BICD2: variants seen among roughly 807,000 people sequenced by gnomAD.
The protein encoded by BICD2 is BICD cargo adaptor 2, also known as protein bicaudal D homolog 2.
A neutral mutation model predicts 72.9 loss-of-function variants in BICD2; 25 were observed. The observed-to-expected ratio is 0.34, with a 90% CI of 0.25 to 0.48. The LOEUF is 0.48. Ranked by LOEUF, BICD2 falls within the 20% of genes least tolerant of loss-of-function variation. The pLI, the probability that BICD2 is intolerant of heterozygous loss-of-function variation, is 0.99. For missense variants in BICD2, 894 were observed against 1,175.2 expected, an observed-to-expected ratio of 0.76 and a Z score of 3.50; for synonymous variants, 501 against 516.1, an observed-to-expected ratio of 0.97 and a Z score of 0.40.
rs566952829 is a variant in BICD2 at position 92,715,016 on chromosome 9, G to A, written c.*138C>T. 53 of 1,423,164 alleles carry A rather than the reference G, an allele frequency of 3.7e-5. No individual in the cohort carries two copies. Among genetic ancestry groups the A allele is most frequent in the Admixed American group, 1.5e-4 (5 of 32,994 alleles). 88.2% of individuals were successfully genotyped at this position (1,423,164 alleles called of 1,614,324 possible). On this transcript the variant is annotated 3_prime_UTR_variant, in exon 7 of 7. Coordinates refer to ENST00000356884, the MANE Select transcript of BICD2 (RefSeq NM_001003800.2). ...CTCACAAGTGTCCTGCTGATGCAACGCCCCATGGCGCCTCGGCTAGACTCC... is the reference window on the plus strand; with the variant it reads ...CTCACAAGTGTCCTGCTGATGCAACACCCCATGGCGCCTCGGCTAGACTCC...
Position 92,764,517 on chromosome 9 carries a change from C to T in BICD2, c.228G>A (p.Glu76=). 6.5e-7 allele frequency: 1 copy of T among 1,535,264 alleles called. No individual in the cohort carries two copies. The highest frequency in any genetic ancestry group is 8.8e-7 in the Non-Finnish European group (1 of 1,140,670). ...VDYEAIRSEM[E]QLKEAFGQAH... Reference sequence around the variant, plus strand: ...CGGCTCGGCTCACCTCCTTGAGCTGCTCCATCTCGCTGCGGATAGCCTCAT... The same window carrying T: ...CGGCTCGGCTCACCTCCTTGAGCTGTTCCATCTCGCTGCGGATAGCCTCAT... Residue 76 remains glutamate, a synonymous_variant, in exon 1 of 7, where the codon GAG becomes GAA. Transcript: ENST00000356884. The surrounding 1 kb of genome is among the most constrained non-coding windows in gnomAD (Gnocchi z 5.5).
intron 1 of BICD2, among the ~76,000 whole-genome samples, chr9:92,739,728 C>A (rs188726232): frequency 3.5e-4 from 53 of 152,314 alleles, no homozygotes; most frequent in African/African-American, 1.1e-3. Context: ...CTTGCCCCCC[C>A]AAAACTGCCA....
intron 3 of BICD2, 44 bp downstream of exon 3, chr9:92,722,612 A>C (rs771162340): frequency 8.1e-6 from 13 of 1,612,270 alleles, no homozygotes; most frequent in Non-Finnish European, 1.0e-5. Flanking sequence ...CTCAAGGCCC[A>C]GTTAACCCAC....
At chr9:92,739,604 T>A (rs555178036) in intron 1 of BICD2, among the ~76,000 whole-genome samples, 1 of 152,230 alleles carries the variant, frequency 6.6e-6, no homozygotes, top group Admixed American at 6.5e-5. Flanking sequence ...ACGATTTTAC[T>A]CCTTGAGAGG....
chr9:92,753,057 G>A (rs755740793), intron 1 of BICD2, among the ~76,000 whole-genome samples: 1 of 152,198 alleles, frequency 6.6e-6, no homozygotes, highest in Non-Finnish European at 1.5e-5. Flanking sequence ...TATGTGATGA[G>A]AAGGGCATTT....
At chr9:92,732,496 A>C (rs1035135741) in intron 1 of BICD2, among the ~76,000 whole-genome samples, 4 of 152,340 alleles carry the variant, frequency 2.6e-5, no homozygotes, top group East Asian at 1.9e-4. Context: ...CAAGCACAAG[A>C]AATATGAAGC....
At chr9:92,744,717 T>C (rs1162661059) in intron 1 of BICD2, among the ~76,000 whole-genome samples, 1 of 152,048 alleles carries the variant, frequency 6.6e-6, no homozygotes, top group Non-Finnish European at 1.5e-5. Flanking sequence ...GGCACGCGCC[T>C]GTAGACCCAG....
In BICD2 at chr9:92,719,355, G is replaced by T; in HGVS notation, c.1290C>A (p.Asn430Lys). ...ACTTGCAGGCCAAGATCTCAGGCCC[G>T]TTGATGTCCACCTCGTAGTAGTCCC... is the stretch of plus-strand genomic sequence containing the variant. ...EDGDYYEVDI[N>K]GPEILACKYH... Residue 430 changes from asparagine to lysine, a missense_variant, in exon 5 of 7, where the codon AAC becomes AAA. Asn to Lys is a moderately conservative substitution (Grantham distance 94, BLOSUM62 0). Transcript: ENST00000356884. 6.2e-7 allele frequency: 1 copy of T among 1,614,200 alleles called. No homozygotes were observed. The highest frequency in any genetic ancestry group is 8.5e-7 in the Non-Finnish European group (1 of 1,180,026).
chr9:92,713,720 C>A lies in BICD2; in HGVS notation c.*1434G>T. On this transcript the variant is annotated 3_prime_UTR_variant, in exon 7 of 7. Transcript: ENST00000356884. ...GGGCATGCCAGCAGCCATCCCACTGCGAGTCTTGCTGGGGCAGGGGGATCT... is the reference window on the plus strand; with the variant it reads ...GGGCATGCCAGCAGCCATCCCACTGAGAGTCTTGCTGGGGCAGGGGGATCT... 7.3e-7 allele frequency: 1 copy of A among 1,368,370 alleles called. No individual in the cohort carries two copies. Among genetic ancestry groups the A allele is most frequent in the Non-Finnish European group, 9.5e-7 (1 of 1,055,906 alleles). 84.8% of individuals were successfully genotyped at this position (1,368,370 alleles called of 1,614,324 possible). A position where few individuals can be genotyped will look rare whatever the true frequency, so the allele number is the denominator to read the frequency against.
rs781120073 is a variant in BICD2 at position 92,719,068 on chromosome 9, T to C, written c.1577A>G (p.Glu526Gly). 1 of 1,613,058 alleles carries C rather than the reference T, an allele frequency of 6.2e-7. No homozygotes were observed. The highest frequency in any genetic ancestry group is 8.5e-7 in the Non-Finnish European group (1 of 1,179,968). ...TQGSLSVAQD[E>G]LVTFSEELAN... Reference sequence around the variant, plus strand: ...CAGCTCCTCACTGAAGGTCACCAGCTCATCCTGGGCCACACTCAGGCTGCC... The same window carrying C: ...CAGCTCCTCACTGAAGGTCACCAGCCCATCCTGGGCCACACTCAGGCTGCC... Residue 526 changes from glutamate (E) to glycine (G), a missense_variant, in exon 5 of 7, where the codon GAG becomes GGG. Transcript: ENST00000356884.
At chr9:92,756,285 G>A (rs1393740107) in intron 1 of BICD2, among the ~76,000 whole-genome samples, 4 of 150,902 alleles carry the variant, frequency 2.7e-5, no homozygotes, top group Non-Finnish European at 4.4e-5. Flanking sequence ...TGTCTGAGAC[G>A]GAGTCTCGCT....
At chr9:92,753,514 G>C (rs1854191447) in intron 1 of BICD2, among the ~76,000 whole-genome samples, 1 of 152,052 alleles carries the variant, frequency 6.6e-6, no homozygotes, top group African/African-American at 2.4e-5. Flanking sequence ...TAAAATTAAT[G>C]ATAAAAGGGC....
intron 1 of BICD2, among the ~76,000 whole-genome samples, chr9:92,736,882 G>C (rs1029274265): frequency 1.3e-5 from 2 of 152,208 alleles, no homozygotes; most frequent in Non-Finnish European, 2.9e-5. Context: ...GCACAGTCTG[G>C]CTGTAGCGTG....
intron 1 of BICD2, among the ~76,000 whole-genome samples, chr9:92,733,156 A>G (rs905480491): frequency 3.9e-5 from 6 of 152,256 alleles, no homozygotes; most frequent in Non-Finnish European, 5.9e-5. Context: ...TACAGAGACC[A>G]ACGGGATAGA....
At chr9:92,755,646 G>A (rs1390140856) in intron 1 of BICD2, among the ~76,000 whole-genome samples, 2 of 152,138 alleles carry the variant, frequency 1.3e-5, no homozygotes, top group East Asian at 1.9e-4. Flanking sequence ...CATGTTCCCC[G>A]ATAATTATCT....
chr9:92,719,074 T>C lies in BICD2; in HGVS notation c.1571A>G (p.Gln524Arg). ...GETQGSLSVA[Q>R]DELVTFSEEL... is the part of the protein sequence containing the mutation. ...CTCACTGAAGGTCACCAGCTCATCC[T>C]GGGCCACACTCAGGCTGCCCTGTGT... The change falls in exon 5 of 7, where the codon CAG becomes CGG. Residue 524 changes from glutamine to arginine, a missense_variant. Physicochemically the swap from Gln to Arg is conservative, Grantham distance 43. Coordinates refer to ENST00000356884, the MANE Select transcript of BICD2 (RefSeq NM_001003800.2). 1 of 1,613,096 alleles carries C rather than the reference T, an allele frequency of 6.2e-7. No individual in the cohort carries two copies. The highest frequency in any genetic ancestry group is 8.5e-7 in the Non-Finnish European group (1 of 1,179,976).
chr9:92,744,271 T>C (rs1191770950), intron 1 of BICD2, among the ~76,000 whole-genome samples: 1 of 152,010 alleles, frequency 6.6e-6, no homozygotes, highest in Non-Finnish European at 1.5e-5. Flanking sequence ...CGATGCTGAG[T>C]GAACACACAA....
Position 92,714,547 on chromosome 9 carries a change from A to G in BICD2, c.*607T>C. On this transcript the variant is annotated 3_prime_UTR_variant, in exon 7 of 7. Coordinates refer to ENST00000356884, the MANE Select transcript of BICD2 (RefSeq NM_001003800.2). ...GCCATGTGTGTCTGGCCAGCAGAAT[A>G]CAGGGGCTCAGGGCTGCTCTTCTCT... is the stretch of plus-strand genomic sequence containing the variant. 2.0e-6 allele frequency: 2 copies of G among 985,558 alleles called. No individual in the cohort carries two copies. The highest frequency in any genetic ancestry group is 1.2e-6 in the Non-Finnish European group (1 of 829,996). 61.1% of individuals were successfully genotyped at this position (985,558 alleles called of 1,614,324 possible). A position where few individuals can be genotyped will look rare whatever the true frequency, so the allele number is the denominator to read the frequency against.
At chr9:92,721,790 G>A (rs1469891718) in intron 3 of BICD2, among the ~76,000 whole-genome samples, 4 of 152,218 alleles carry the variant, frequency 2.6e-5, no homozygotes, top group African/African-American at 9.7e-5. Context: ...CATGCGCTGG[G>A]CTCTGCCAAC....
Sources: gnomAD v4.1 joint callset for allele counts (sites outside exome capture counted in the v4.1 genomes callset) on GRCh38, gnomAD v4.1.1 for gene constraint, Gnocchi (gnomAD v3.1) non-coding constraint, MANE v1.5 for transcripts, NCBI Gene and HGNC (gene_info 2026-07-23, HGNC 2026-07-21) for gene names.